The following RWDD4 variants were observed in gnomAD, a reference collection of about 807,000 sequenced individuals.
The protein encoded by RWDD4 is RWD domain containing 4.
RWDD4 carries 16 observed loss-of-function variants against 30.0 expected under a neutral mutation model. That is an observed-to-expected ratio of 0.53 (90% CI 0.36 to 0.81). The LOEUF is 0.81. Among genes scored for constraint, RWDD4 ranks in the 30% least tolerant of loss-of-function variants. The pLI, the probability that RWDD4 is intolerant of heterozygous loss-of-function variation, is 0.00. For synonymous variants in RWDD4, 45 were observed against 72.1 expected (o/e 0.62, Z 1.90); for missense variants, 170 against 223.9 (o/e 0.76, Z 1.54).
At chr4:183,656,022 C>T in intron 1 of RWDD4, 61 bp from the exon 2 acceptor site, 1 of 1,140,748 alleles carries the variant, frequency 8.8e-7, no homozygotes, top group East Asian at 2.4e-5. Flanking sequence ...AATAGAGGGT[C>T]TTTACTTTCT....
intron 2 of RWDD4, among the ~76,000 whole-genome samples, chr4:183,652,548 A>C (rs1202829687): frequency 3.9e-5 from 6 of 152,042 alleles, no homozygotes; most frequent in Non-Finnish European, 8.8e-5. Context: ...ACAGTGGCTC[A>C]TGTCTGTACT....
chr4:183,655,812 A>T, intron 2 of RWDD4, 69 bp downstream of exon 2: 2 of 868,052 alleles, frequency 2.3e-6, no homozygotes, highest in South Asian at 3.1e-5. Flanking sequence ...AAAACAAAAT[A>T]AGCATTTTTA....
chr4:183,652,458 T>C (rs1275613994), intron 2 of RWDD4, among the ~76,000 whole-genome samples: 1 of 150,254 alleles, frequency 6.7e-6, no homozygotes, highest in Non-Finnish European at 1.5e-5. Context: ...ATCGTGCCAT[T>C]GCACTCCAGC....
intron 7 of RWDD4, among the ~76,000 whole-genome samples, chr4:183,646,053 G>A (rs1377256836): frequency 1.3e-5 from 2 of 152,040 alleles, no homozygotes; most frequent in Non-Finnish European, 2.9e-5. Flanking sequence ...ACAGGCGTGC[G>A]CCACCATGCC....
chr4:183,645,275 A>G (rs1173761297), intron 7 of RWDD4, among the ~76,000 whole-genome samples: 5 of 152,208 alleles, frequency 3.3e-5, no homozygotes, highest in Admixed American at 2.0e-4. Context: ...TGCAAAATTT[A>G]TTTCGTGAAG....
At chr4:183,655,741 G>GTTATTTTAGTTA in intron 2 of RWDD4, 140 bp downstream of exon 2, 2 of 574,534 alleles carry the variant, frequency 3.5e-6, no homozygotes, top group Non-Finnish European at 6.3e-6. Flanking sequence ...CTGATGTTAG[G>GTTATTTTAGTTA]GTGATGTTTC....
chr4:183,651,598 C>T (rs577764376), intron 2 of RWDD4, among the ~76,000 whole-genome samples: 32 of 152,264 alleles, frequency 2.1e-4, no homozygotes, highest in Middle Eastern at 6.8e-3. Flanking sequence ...TCTAGTACCA[C>T]GCCTACATCT....
intron 7 of RWDD4, among the ~76,000 whole-genome samples, chr4:183,643,850 G>A (rs1198227779): frequency 6.6e-6 from 1 of 152,126 alleles, no homozygotes; most frequent in Non-Finnish European, 1.5e-5. Context: ...CCCAGAAGGT[G>A]GAGGTTGCAG....
At chr4:183,653,768 A>G (rs1734129233) in intron 2 of RWDD4, 1 of 152,214 alleles carries the variant, frequency 6.6e-6, no homozygotes, top group South Asian at 2.1e-4. Context: ...TGATGCAATC[A>G]CTACGTCCTT....
intron 4 of RWDD4, among the ~76,000 whole-genome samples, chr4:183,649,792 C>G (rs142173542): frequency 2.8e-4 from 42 of 152,258 alleles, no homozygotes; most frequent in Non-Finnish European, 5.7e-4. Flanking sequence ...TTGTTATAAC[C>G]AAAATCCTGG....
At position 183,641,453 on chromosome 4, in the gene RWDD4, A is replaced by G. The variant is rs1733854758; in HGVS notation, c.550T>C (p.Ser184Pro). The change falls in exon 8 of 8, where the codon TCT becomes CCT. Residue 184 changes from serine to proline, a missense_variant. Physicochemically the swap from Ser to Pro is moderately conservative, Grantham distance 74. Coordinates refer to ENST00000326397, the MANE Select transcript of RWDD4 (RefSeq NM_152682.4). ...TCCAAGTGCTACTCATCATCCTTAG[A>G]GCCAGTTTTGCTTAACTATAAAAAA... ...DVVKHLSKTG[S>P]KDDE The G allele has an allele frequency of 2.5e-6, 4 of 1,608,820 alleles. No homozygotes were observed. Among genetic ancestry groups the G allele is most frequent in the South Asian group, 1.1e-5 (1 of 90,638 alleles).
intron 2 of RWDD4, among the ~76,000 whole-genome samples, chr4:183,652,357 C>T (rs924396261): frequency 5.8e-4 from 58 of 100,666 alleles, no homozygotes; most frequent in African/African-American, 2.4e-3. Flanking sequence ...GCCCTCTCCC[C>T]TGGCTTTTTT....
chr4:183,648,717 T>C (rs1238762288), intron 5 of RWDD4, among the ~76,000 whole-genome samples: 1 of 152,194 alleles, frequency 6.6e-6, no homozygotes. Flanking sequence ...GAGCTCCAGG[T>C]AGAACATGTT....
chr4:183,656,230 T>C, intron 1 of RWDD4: 1 of 264,674 alleles, frequency 3.8e-6, no homozygotes, highest in Non-Finnish European at 7.1e-6. Flanking sequence ...AAGAGGCTCC[T>C]ATTATTTTCT....
chr4:183,642,185 A>ATTTTTTTTT (rs1009902870), intron 7 of RWDD4, among the ~76,000 whole-genome samples: 1 of 97,154 alleles, frequency 1.0e-5, no homozygotes, highest in Non-Finnish European at 1.9e-5. Flanking sequence ...CATTCTTAAA[A>ATTTTTTTTT]TTTTTTTTTT....
chr4:183,649,714 G>C (rs1734037784), intron 4 of RWDD4, 146 bp from the exon 5 acceptor site: 1 of 487,650 alleles, frequency 2.1e-6, no homozygotes, highest in Non-Finnish European at 3.6e-6. Flanking sequence ...TTAAAATCAA[G>C]TGCCCTTAAC....
At chr4:183,646,381 C>T (rs752386765) in intron 6 of RWDD4, 28 bp from the exon 7 acceptor site, 40 of 1,354,198 alleles carry the variant, frequency 3.0e-5, no homozygotes. Context: ...AACAGACATC[C>T]CAGTGAATTC....
intron 5 of RWDD4, 56 bp downstream of exon 5, chr4:183,649,395 C>A: frequency 8.5e-7 from 1 of 1,175,646 alleles, no homozygotes; most frequent in East Asian, 2.4e-5. Flanking sequence ...GCCTGGGCAA[C>A]AAGAGTGAGA....
chr4:183,649,599 C>G (rs1166138366), intron 4 of RWDD4, 31 bp from the exon 5 acceptor site: 2 of 1,213,264 alleles, frequency 1.6e-6, no homozygotes, highest in Non-Finnish European at 2.4e-6. Context: ...TTCTCAGCCT[C>G]ATACCTTACA....
Sources: gnomAD v4.1 joint callset for allele counts (sites outside exome capture counted in the v4.1 genomes callset) on GRCh38, gnomAD v4.1.1 for gene constraint, MANE v1.5 for transcripts, NCBI Gene and HGNC (gene_info 2026-07-23, HGNC 2026-07-21) for gene names.